Variants in PRKAR1B observed in about 807,000 individuals in gnomAD.
The protein encoded by PRKAR1B is cAMP-dependent protein kinase type I-beta regulatory subunit.
In PRKAR1B, 22 loss-of-function variants were observed where a neutral mutation model predicts 46.5. That is an observed-to-expected ratio of 0.47 (90% confidence interval 0.34 to 0.68). The LOEUF is 0.68. PRKAR1B is among the 30% of genes least tolerant of loss of function. The pLI is 0.01. For missense variants in PRKAR1B, 445 were observed against 535.6 expected (o/e 0.83, Z 1.67); for synonymous variants, 259 against 217.7 (o/e 1.19, Z -1.67).
intron 2 of PRKAR1B, among the ~76,000 whole-genome samples, chr7:689,604 C>G (rs1464875055): frequency 1.3e-5 from 2 of 151,992 alleles, no homozygotes; most frequent in Non-Finnish European, 2.9e-5. Context: ...TTGACTACAA[C>G]CATGCAACAA....
At chr7:701,252 A>G (rs1399690687) in intron 2 of PRKAR1B, among the ~76,000 whole-genome samples, 2 of 147,626 alleles carry the variant, frequency 1.4e-5, no homozygotes, top group African/African-American at 5.1e-5. Context: ...AAGGAAGGAA[A>G]GAAAGAAAGA....
At chr7:572,885 G>T (rs1365352318) in intron 9 of PRKAR1B, among the ~76,000 whole-genome samples, 1 of 152,252 alleles carries the variant, frequency 6.6e-6, no homozygotes, top group Non-Finnish European at 1.5e-5. Context: ...AAGAATGACA[G>T]TGAGCAGACA....
At chr7:610,517 T>C (rs1477014944) in intron 4 of PRKAR1B, among the ~76,000 whole-genome samples, 1 of 152,176 alleles carries the variant, frequency 6.6e-6, no homozygotes, top group Admixed American at 6.5e-5. Flanking sequence ...CCCAGCCTCG[T>C]GTACCAAAAA....
chr7:646,747 C>T (rs1008331391), intron 4 of PRKAR1B, among the ~76,000 whole-genome samples: 7 of 152,286 alleles, frequency 4.6e-5, no homozygotes, highest in Admixed American at 1.3e-4. Context: ...ACGACGGGGC[C>T]GCTACTGCAC....
intron 9 of PRKAR1B, among the ~76,000 whole-genome samples, chr7:556,951 G>A (rs1199179576): frequency 1.3e-5 from 2 of 152,184 alleles, no homozygotes; most frequent in African/African-American, 4.8e-5. Flanking sequence ...AAGTTCACGT[G>A]AACTAGACGC....
rs1336563635 is a variant in PRKAR1B, at chr7:644,508, A to C, written c.440+32721T>G. On this transcript the variant is annotated intron_variant, in intron 4 of 10. Coordinates refer to ENST00000537384, the MANE Select transcript of PRKAR1B (RefSeq NM_001164760.2). The surrounding 1 kb of genome is among the most constrained non-coding windows in gnomAD (Gnocchi z 4.9). Reference sequence around the variant, plus strand: ...CTCGGACGCCATCCCGGGGTCCAGCATCCCTCCGAGGGCCCACCCTCCACT... The same window carrying C: ...CTCGGACGCCATCCCGGGGTCCAGCCTCCCTCCGAGGGCCCACCCTCCACT... Among the ~76,000 whole-genome samples, 1 of 152,100 alleles carries C rather than the reference A, an allele frequency of 6.6e-6. No individual in the cohort carries two copies.
At chr7:694,042 T>C (rs2128518068) in intron 2 of PRKAR1B, among the ~76,000 whole-genome samples, 1 of 152,306 alleles carries the variant, frequency 6.6e-6, no homozygotes, top group African/African-American at 2.4e-5. Flanking sequence ...CCCAGCACTT[T>C]GGGAGGCCGA....
intron 4 of PRKAR1B, among the ~76,000 whole-genome samples, chr7:675,783 T>C (rs1012550572): frequency 9.9e-5 from 15 of 152,156 alleles, no homozygotes; most frequent in African/African-American, 3.6e-4. Context: ...CCATCTCTAC[T>C]AAAAATGCAA....
At chr7:583,396 C>CACG (rs1362772922) in intron 8 of PRKAR1B, among the ~76,000 whole-genome samples, 4 of 149,452 alleles carry the variant, frequency 2.7e-5, no homozygotes, top group Admixed American at 6.6e-5. Context: ...CACTCACACC[C>CACG]CCCACACGTG....
intron 4 of PRKAR1B, among the ~76,000 whole-genome samples, chr7:634,383 C>A (rs1052936024): frequency 2.6e-5 from 4 of 151,906 alleles, no homozygotes; most frequent in Admixed American, 2.6e-4. Context: ...GAGGCTAAGG[C>A]GGGAGGATCA....
At chr7:716,353 G>A (rs917087690) in intron 1 of PRKAR1B, among the ~76,000 whole-genome samples, 1 of 151,264 alleles carries the variant, frequency 6.6e-6, no homozygotes, top group South Asian at 2.1e-4. Flanking sequence ...ACCGCACCCG[G>A]TCCGAAGCCA....
intron 2 of PRKAR1B, among the ~76,000 whole-genome samples, chr7:683,836 C>T (rs1344696853): frequency 2.0e-5 from 3 of 152,238 alleles, no homozygotes; most frequent in Non-Finnish European, 2.9e-5. Context: ...CCACCCGCTC[C>T]TCACCCAGCC....
chr7:622,670 C>G (rs1783172751), intron 4 of PRKAR1B, among the ~76,000 whole-genome samples: 1 of 152,050 alleles, frequency 6.6e-6, no homozygotes, highest in Non-Finnish European at 1.5e-5. Flanking sequence ...CACACAGAGG[C>G]ACATATGCAC....
At chr7:661,235 G>A (rs866158772) in intron 4 of PRKAR1B, among the ~76,000 whole-genome samples, 27 of 77,706 alleles carry the variant, frequency 3.5e-4, no homozygotes, top group African/African-American at 4.9e-4. Context: ...CCACCCCAAC[G>A]GGTCCAAATA....
intron 4 of PRKAR1B, among the ~76,000 whole-genome samples, chr7:619,111 T>C (rs777466714): frequency 4.6e-5 from 7 of 152,084 alleles, no homozygotes; most frequent in Non-Finnish European, 8.8e-5. Context: ...ATGATTGGTG[T>C]CCTTATAAAA....
rs572008518 is a variant in PRKAR1B, at chr7:578,993, G to C, written c.891+263C>G. The C allele has an allele frequency of 3.8e-6, 5 of 1,317,446 alleles. No homozygotes were observed. In the African/African-American group the frequency reaches 6.0e-5, roughly 16 times the overall value. The allele number at this position is 1,317,446 out of a possible 1,614,324, so 81.6% of individuals were successfully genotyped here. A position where few individuals can be genotyped will look rare whatever the true frequency, so the allele number is the denominator to read the frequency against. On this transcript the variant is annotated intron_variant, in intron 9 of 10. Transcript: ENST00000537384. ...CGCCGCGCCCGGCCAGTTTCATGCA[G>C]TTTTATCACACGTGCAGCTCAGGCA...
Position 727,254 on chromosome 7 carries a change from C to T in PRKAR1B, c.-67G>A, listed in dbSNP as rs543234628. 4.4e-5 allele frequency: 59 copies of T among 1,340,836 alleles called. No individual in the cohort carries two copies. Among genetic ancestry groups the T allele is most frequent in the African/African-American group, 1.2e-4 (8 of 64,948 alleles). The allele number at this position is 1,340,836 out of a possible 1,614,324, so 83.1% of individuals were successfully genotyped here. A position where few individuals can be genotyped will look rare whatever the true frequency, so the allele number is the denominator to read the frequency against. ...CGCTGCGCTGCTCCCTGCTCGACCC[C>T]TTCGCCGCCGTGCGCCGCGAGAGCT... On this transcript the variant is annotated 5_prime_UTR_variant, in exon 1 of 11. Transcript: ENST00000537384.
rs144444556 is a variant in PRKAR1B at position 572,444 on chromosome 7, G to A, written c.891+6812C>T. On this transcript the variant is annotated intron_variant, in intron 9 of 10. Coordinates refer to ENST00000537384, the MANE Select transcript of PRKAR1B (RefSeq NM_001164760.2). ...AGAGAGACCCGCGGGGGTCTCGGGA[G>A]TTGGGGTTCCTGCAGCCTGGCCCTG... Among the ~76,000 whole-genome samples, 103 of 152,278 alleles carry A rather than the reference G, an allele frequency of 6.8e-4. 4 individuals carry two copies. The East Asian group carries it at 0.016, about 24-fold the overall frequency.
intron 4 of PRKAR1B, among the ~76,000 whole-genome samples, chr7:609,906 ATTT>A (rs1782380278): frequency 6.6e-6 from 1 of 151,654 alleles, no homozygotes; most frequent in African/African-American, 2.4e-5. Context: ...ACGCCTGCTT[ATTT>A]TTATTTTTTA....
Sources: gnomAD v4.1 joint callset for allele counts (sites outside exome capture counted in the v4.1 genomes callset) on GRCh38, gnomAD v4.1.1 for gene constraint, Gnocchi (gnomAD v3.1) non-coding constraint, MANE v1.5 for transcripts, NCBI Gene and HGNC (gene_info 2026-07-23, HGNC 2026-07-21) for gene names.